SLC34A1: variants seen among roughly 807,000 people sequenced by gnomAD.
The protein encoded by SLC34A1 is solute carrier family 34 member 1.
Under a neutral mutation model 51.4 loss-of-function variants are expected in SLC34A1, and 57 were observed. The observed-to-expected ratio is 1.11, with a 90% CI of 0.90 to 1.38. The LOEUF (loss-of-function observed/expected upper bound fraction) is 1.38, where lower values mean the gene tolerates loss of function less well. SLC34A1 is among the 40% of genes most tolerant of loss of function. The pLI, the probability that SLC34A1 is intolerant of heterozygous loss-of-function variation, is 0.00. For synonymous variants in SLC34A1, 368 were observed against 358.0 expected (o/e 1.03, Z -0.32); for missense variants, 796 against 835.6 (o/e 0.95, Z 0.58).
At chr5:177,393,830 C>A in intron 9 of SLC34A1, 67 bp downstream of exon 9, 1 of 1,540,380 alleles carries the variant, frequency 6.5e-7, no homozygotes, top group Admixed American at 1.7e-5. Context: ...GCAGGGCAAT[C>A]CCACACAGCC....
At position 177,388,275 on chromosome 5, in the gene SLC34A1, A is replaced by G; in HGVS notation, c.841-2A>G. ...CTCCCCCTGCCCACATCTTGCCCAC[A>G]GCTGGACGAGTCTGTGATAACCAGC... On this transcript the variant is annotated splice_acceptor_variant, in intron 7 of 12. Transcript: ENST00000324417. LOFTEE classifies it high-confidence loss of function. The surrounding 1 kb of genome is among the most constrained non-coding windows in gnomAD (Gnocchi z 4.3). 1 of 1,614,186 alleles carries G rather than the reference A, an allele frequency of 6.2e-7. No individual in the cohort carries two copies. Among genetic ancestry groups the G allele is most frequent in the African/African-American group, 1.3e-5 (1 of 75,052 alleles).
chr5:177,389,115 T>C (rs1321350083), intron 8 of SLC34A1, among the ~76,000 whole-genome samples: 1 of 152,168 alleles, frequency 6.6e-6, no homozygotes, highest in Non-Finnish European at 1.5e-5. Flanking sequence ...CTTCTAATAC[T>C]GGGAAGATCT....
chr5:177,393,103 T>G (rs980706244), intron 8 of SLC34A1, among the ~76,000 whole-genome samples: 5 of 152,196 alleles, frequency 3.3e-5, no homozygotes, highest in Non-Finnish European at 5.9e-5. Flanking sequence ...GCTGCTCACT[T>G]AGGTTACCGG....
chr5:177,389,519 C>T (rs546870354), intron 8 of SLC34A1: 1 of 1,265,088 alleles, frequency 7.9e-7, no homozygotes, highest in East Asian at 2.6e-5. Flanking sequence ...TAAAAAAAAA[C>T]CCCTGCGGGC....
At chr5:177,387,109 G>A (rs1171929583) in intron 5 of SLC34A1, among the ~76,000 whole-genome samples, 2 of 152,058 alleles carry the variant, frequency 1.3e-5, no homozygotes, top group South Asian at 2.1e-4. Context: ...AGTGGCTCAT[G>A]CCTGTAATCC....
At chr5:177,395,572 G>A (rs1481608575) in intron 10 of SLC34A1, among the ~76,000 whole-genome samples, 1 of 152,142 alleles carries the variant, frequency 6.6e-6, no homozygotes, top group Non-Finnish European at 1.5e-5. Context: ...GGACTTTATT[G>A]AGGGTAACAT....
In SLC34A1 at chr5:177,396,997, T is replaced by G. The variant is rs1269210805; in HGVS notation, c.1339T>G (p.Ser447Ala). ...IERAYPLTLGSNIGTTTTAIL... is the reference protein window; with the variant it reads ...IERAYPLTLGANIGTTTTAIL... ...GAGGGCCTACCCGCTCACACTGGGT[T>G]CCAACATCGGCACCACCACCACGGC... Residue 447 changes from serine (S) to alanine (A), a missense_variant, in exon 12 of 13, where the codon TCC becomes GCC. Transcript: ENST00000324417. The surrounding 1 kb of genome is among the most constrained non-coding windows in gnomAD (Gnocchi z 4.0). The G allele has an allele frequency of 9.3e-6, 15 of 1,613,994 alleles. No individual in the cohort carries two copies. Among genetic ancestry groups the G allele is most frequent in the Non-Finnish European group, 1.2e-5 (14 of 1,180,016 alleles).
In SLC34A1 at chr5:177,397,862, G is replaced by A. The variant is rs201257803; in HGVS notation, c.1496G>A (p.Arg499His). Residue 499 changes from arginine to histidine, a missense_variant, in exon 13 of 13, where the codon CGC becomes CAC. By Grantham distance (29) the Arg-to-His change is conservative. Transcript: ENST00000324417. ...GTGCCCTGCACACGCCTGCCCATCC[G>A]CATGGCCAAGGCGCTGGGGAAACGC... ...YPVPCTRLPI[R>H]MAKALGKRTA... 27 of 1,613,738 alleles carry A rather than the reference G, an allele frequency of 1.7e-5. No homozygotes were observed. The East Asian group carries it at 2.0e-4, about 12-fold the overall frequency.
At chr5:177,393,137 T>C (rs1320775672) in intron 8 of SLC34A1, among the ~76,000 whole-genome samples, 3 of 152,094 alleles carry the variant, frequency 2.0e-5, no homozygotes, top group Non-Finnish European at 4.4e-5. Context: ...CCTTCTGAAT[T>C]GTAGGGCCTC....
At position 177,386,303 on chromosome 5, in the gene SLC34A1, C is replaced by T. The variant is rs199786760; in HGVS notation, c.342C>T (p.Phe114=). The T allele has an allele frequency of 1.1e-5, 18 of 1,614,246 alleles. No homozygotes were observed. The highest frequency in any genetic ancestry group is 1.6e-4 in the Middle Eastern group (1 of 6,062). ...VPLMLTFLYL[F]VCSLDMLSSA... Reference sequence around the variant, plus strand: ...TGATGCTCACCTTCCTCTACCTCTTCGTCTGCTCCCTGGACATGCTCAGCT... The same window carrying T: ...TGATGCTCACCTTCCTCTACCTCTTTGTCTGCTCCCTGGACATGCTCAGCT... The change falls in exon 4 of 13, where the codon TTC becomes TTT. Residue 114 remains phenylalanine (F), a synonymous_variant. Coordinates refer to ENST00000324417, the MANE Select transcript of SLC34A1 (RefSeq NM_003052.5). The surrounding 1 kb of genome is among the most constrained non-coding windows in gnomAD (Gnocchi z 4.8).
Position 177,398,400 on chromosome 5 carries a change from T to A in SLC34A1, c.*114T>A. 8.1e-7 allele frequency: 1 copy of A among 1,231,900 alleles called. No individual in the cohort carries two copies. The highest frequency in any genetic ancestry group is 1.2e-6 in the Non-Finnish European group (1 of 847,084). 76.3% of individuals were successfully genotyped at this position (1,231,900 alleles called of 1,614,324 possible). On this transcript the variant is annotated 3_prime_UTR_variant, in exon 13 of 13. Coordinates refer to ENST00000324417, the MANE Select transcript of SLC34A1 (RefSeq NM_003052.5). The surrounding 1 kb of genome is among the most constrained non-coding windows in gnomAD (Gnocchi z 4.7). ...CTGTGCCACCCTGGGTGCCAGTCTC[T>A]CCTTCTGTAGCTCCGCAAAGCTCTG...
intron 9 of SLC34A1, 70 bp from the exon 10 acceptor site, chr5:177,393,958 A>C: frequency 4.4e-6 from 7 of 1,598,984 alleles, no homozygotes; most frequent in Non-Finnish European, 6.0e-6. Context: ...TCAGAGCCCA[A>C]CTGGGTGGCA....
In SLC34A1 at chr5:177,396,754, G is replaced by A; in HGVS notation, c.1196G>A (p.Trp399Ter). 1 of 1,614,256 alleles carries A rather than the reference G, an allele frequency of 6.2e-7. No individual in the cohort carries two copies. Among genetic ancestry groups the A allele is most frequent in the Non-Finnish European group, 8.5e-7 (1 of 1,180,042 alleles). ...GCAGACTTCCCTGCCCCCTTCACCT[G>A]GGTCACAGGCTACTTTGCCATGGTG... ...INTDFPAPFT[W>*]VTGYFAMVVG... Residue 399 changes from tryptophan to a stop codon, truncating the protein, a stop_gained, in exon 11 of 13, where the codon TGG (tryptophan) becomes TAG (stop). Coordinates refer to ENST00000324417, the MANE Select transcript of SLC34A1 (RefSeq NM_003052.5). LOFTEE classifies it high-confidence loss of function. This position sits in a 1 kb window ranked among gnomAD's most constrained non-coding sequence, Gnocchi z 4.0.
intron 8 of SLC34A1, chr5:177,390,082 C>G: frequency 8.9e-7 from 1 of 1,129,004 alleles, no homozygotes; most frequent in Non-Finnish European, 1.1e-6. Flanking sequence ...CCTGGCTCTT[C>G]CTGCCCAAAG....
intron 8 of SLC34A1, chr5:177,390,438 T>C (rs979297456): frequency 1.1e-6 from 1 of 951,830 alleles, no homozygotes; most frequent in African/African-American, 1.8e-5. Context: ...CGAGGAGCAC[T>C]GAGCCCCAGA....
intron 8 of SLC34A1, chr5:177,389,574 T>C: frequency 6.5e-7 from 1 of 1,534,088 alleles, no homozygotes; most frequent in Non-Finnish European, 8.7e-7. Context: ...ATCAACCACT[T>C]TCTCACGAGC....
rs773987568 is a variant in SLC34A1, at chr5:177,394,096, C to T, written c.1075C>T (p.Leu359=). 6.2e-7 allele frequency: 1 copy of T among 1,614,062 alleles called. No individual in the cohort carries two copies. The highest frequency in any genetic ancestry group is 2.2e-5 in the East Asian group (1 of 44,892). ...AVGLILLAGS[L]VLLCTCLILL... The stretch of plus-strand genomic sequence containing the variant: ...GGGGCTCATCCTGCTGGCAGGATCC[C>T]TGGTGCTGCTGTGCACCTGCCTCAT... Residue 359 remains leucine (L), a synonymous_variant, in exon 10 of 13, where the codon CTG becomes TTG. Transcript: ENST00000324417.
chr5:177,397,759 G>T, intron 12 of SLC34A1, 24 bp from the exon 13 acceptor site: 2 of 1,603,772 alleles, frequency 1.2e-6, no homozygotes, highest in Non-Finnish European at 8.5e-7. Flanking sequence ...GCCCATCTCA[G>T]CCCCTCTGCC....
In SLC34A1 at chr5:177,397,623, C is replaced by T. The variant is rs925215678; in HGVS notation, c.1417-160C>T. The stretch of plus-strand genomic sequence containing the variant: ...TTCAATATTTGCATAGCCAGCATAG[C>T]CACCTCGGGGTGATCTCGGGGCAGG... On this transcript the variant is annotated intron_variant, in intron 12 of 12. Transcript: ENST00000324417. 37 of 871,888 alleles carry T rather than the reference C, an allele frequency of 4.2e-5. No individual in the cohort carries two copies. In the South Asian group the frequency reaches 5.3e-4, roughly 13 times the overall value. The allele number at this position is 871,888 out of a possible 1,614,324, so 54.0% of individuals were successfully genotyped here. A position where few individuals can be genotyped will look rare whatever the true frequency, so the allele number is the denominator to read the frequency against.
Sources: allele counts gnomAD v4.1 joint callset (sites outside exome capture counted in the v4.1 genomes callset), GRCh38; gene constraint gnomAD v4.1.1; non-coding constraint Gnocchi (gnomAD v3.1); transcripts MANE v1.5; gene names NCBI Gene and HGNC (gene_info 2026-07-23, HGNC 2026-07-21).